Variants in CDH12 observed in about 807,000 individuals in gnomAD.
CDH12 encodes cadherin 12.
In CDH12, 41 loss-of-function variants were observed where a neutral mutation model predicts 74.1. The ratio of observed to expected loss-of-function variants is 0.55; its 90% CI spans 0.43 to 0.72. The LOEUF is 0.72. Ranked by LOEUF, CDH12 falls within the 30% of genes least tolerant of loss-of-function variation. The probability of loss-of-function intolerance (pLI) is 0.00; values close to 1 mark genes in which losing one functional copy is unlikely to be tolerated. For synonymous variants in CDH12, 399 were observed against 355.0 expected, an observed-to-expected ratio of 1.12 and a Z score of -1.39; for missense variants, 945 against 977.2, an observed-to-expected ratio of 0.97 and a Z score of 0.44.
chr5:22,555,764 T>C (rs947432860), intron 1 of CDH12, among the ~76,000 whole-genome samples: 9 of 152,090 alleles, frequency 5.9e-5, no homozygotes, highest in Admixed American at 1.3e-4. Context: ...TTTAAGTATT[T>C]GTGTATTCTT....
intron 1 of CDH12, among the ~76,000 whole-genome samples, chr5:22,579,237 C>A (rs1185756277): frequency 1.3e-5 from 2 of 152,026 alleles, no homozygotes; most frequent in African/African-American, 4.8e-5. Flanking sequence ...TGACTACTTC[C>A]CTAGGAGACA....
chr5:21,795,880 G>A (rs1330077850), intron 10 of CDH12, among the ~76,000 whole-genome samples: 1 of 151,856 alleles, frequency 6.6e-6, no homozygotes, highest in South Asian at 2.1e-4. Context: ...TTAATCGAGA[G>A]TTTCTTAAAA....
intron 2 of CDH12, among the ~76,000 whole-genome samples, chr5:22,419,248 C>G (rs376409441): frequency 1.3e-5 from 2 of 152,082 alleles, no homozygotes; most frequent in South Asian, 4.1e-4. Context: ...TCTATCAACC[C>G]ATCACCTAGA....
At chr5:21,962,379 T>A (rs1756396958) in intron 6 of CDH12, among the ~76,000 whole-genome samples, 1 of 152,198 alleles carries the variant, frequency 6.6e-6, no homozygotes, top group Non-Finnish European at 1.5e-5. Context: ...CCAGTGACTC[T>A]TTCATTGTAT....
chr5:21,932,099 A>T (rs985116210), intron 6 of CDH12, among the ~76,000 whole-genome samples: 2 of 152,186 alleles, frequency 1.3e-5, no homozygotes, highest in Middle Eastern at 3.2e-3. Context: ...ACTCTACACA[A>T]ATGAAACAAA....
intron 1 of CDH12, among the ~76,000 whole-genome samples, chr5:22,506,474 T>G (rs1736391730): frequency 6.6e-6 from 1 of 152,172 alleles, no homozygotes; most frequent in South Asian, 2.1e-4. Flanking sequence ...CCTCTATGTC[T>G]TTTTTGACAT....
At chr5:21,992,276 T>C (rs1757786179) in intron 5 of CDH12, among the ~76,000 whole-genome samples, 1 of 152,196 alleles carries the variant, frequency 6.6e-6, no homozygotes, top group Non-Finnish European at 1.5e-5. Context: ...ACAGATGCTA[T>C]AACTTGAACT....
chr5:21,894,577 C>A (rs1481823413), intron 6 of CDH12, among the ~76,000 whole-genome samples: 2 of 151,914 alleles, frequency 1.3e-5, no homozygotes, highest in Non-Finnish European at 2.9e-5. Flanking sequence ...CATACATGTA[C>A]ACAAATACCC....
At chr5:22,766,038 T>C (rs773440583) in intron 1 of CDH12, among the ~76,000 whole-genome samples, 80 of 151,972 alleles carry the variant, frequency 5.3e-4, no homozygotes, top group Middle Eastern at 3.4e-3. Flanking sequence ...CTAAATCTCA[T>C]TGGAATTAAG....
Position 22,276,858 on chromosome 5 carries a change from G to A in CDH12, c.-332-64215C>T, listed in dbSNP as rs1736658015. ...CATGATATCACACCCAGATAATTAAGCACTTTATTTCAATAATGTATTTAA... is the reference window on the plus strand; with the variant it reads ...CATGATATCACACCCAGATAATTAAACACTTTATTTCAATAATGTATTTAA... On this transcript the variant is annotated intron_variant, in intron 3 of 14. Transcript: ENST00000382254. Among the ~76,000 whole-genome samples the A allele has an allele frequency of 2.6e-5, 4 of 152,158 alleles. No individual in the cohort carries two copies. In the South Asian group the frequency reaches 8.3e-4, roughly 32 times the overall value.
chr5:22,308,857 GAGAGAGAGAGAGGAGAGAGAGAGAGAA>G (rs1738245525), intron 3 of CDH12, among the ~76,000 whole-genome samples: 13 of 136,270 alleles, frequency 9.5e-5, no homozygotes, highest in African/African-American at 3.0e-4. Flanking sequence ...TACACACAGA[GAGAGAGAGAGAGGAGAGAGAGAGAGAA>G]AGAGAGAGAG....
At chr5:22,635,600 A>AT (rs1738797680) in intron 1 of CDH12, among the ~76,000 whole-genome samples, 1 of 152,144 alleles carries the variant, frequency 6.6e-6, no homozygotes, top group African/African-American at 2.4e-5. Context: ...TGAAAAGGAG[A>AT]TTTTATCTAG....
intron 1 of CDH12, among the ~76,000 whole-genome samples, chr5:22,521,697 T>C (rs1287409179): frequency 1.3e-5 from 2 of 152,204 alleles, no homozygotes; most frequent in Admixed American, 6.5e-5. Context: ...GCAAGCCACA[T>C]GGTCTCTGTT....
At chr5:21,811,002 TG>T (rs988449771) in intron 9 of CDH12, among the ~76,000 whole-genome samples, 19 of 152,252 alleles carry the variant, frequency 1.2e-4, no homozygotes, top group African/African-American at 4.6e-4. Flanking sequence ...ATATGCTCAG[TG>T]GGACCAACTG....
chr5:21,879,078 C>T (rs750611279), intron 6 of CDH12, among the ~76,000 whole-genome samples: 5 of 152,090 alleles, frequency 3.3e-5, no homozygotes, highest in South Asian at 2.1e-4. Flanking sequence ...CGTTCACATG[C>T]TATCAAATTT....
intron 5 of CDH12, among the ~76,000 whole-genome samples, chr5:22,003,967 T>C (rs1287440235): frequency 6.6e-6 from 1 of 152,086 alleles, no homozygotes; most frequent in East Asian, 1.9e-4. Flanking sequence ...TTTTGTCCCA[T>C]TTCTGTCTCA....
intron 1 of CDH12, among the ~76,000 whole-genome samples, chr5:22,652,748 T>C (rs973174033): frequency 6.6e-6 from 1 of 152,176 alleles, no homozygotes; most frequent in Non-Finnish European, 1.5e-5. Context: ...CAAGTGTATG[T>C]GTTTGCAAGA....
chr5:22,495,358 T>A (rs1747063654), intron 2 of CDH12, among the ~76,000 whole-genome samples: 2 of 152,328 alleles, frequency 1.3e-5, no homozygotes, highest in South Asian at 2.1e-4. Flanking sequence ...ATTTGGCTAT[T>A]TATGACTGGG....
At chr5:22,017,717 C>T (rs1195414300) in intron 5 of CDH12, among the ~76,000 whole-genome samples, 2 of 151,328 alleles carry the variant, frequency 1.3e-5, no homozygotes, top group South Asian at 2.1e-4. Context: ...GCAGAGACAT[C>T]TGAGCTGATT....
Sources: gnomAD v4.1 joint callset for allele counts (sites outside exome capture counted in the v4.1 genomes callset) on GRCh38, gnomAD v4.1.1 for gene constraint, MANE v1.5 for transcripts, NCBI Gene and HGNC (gene_info 2026-07-23, HGNC 2026-07-21) for gene names.